The following ARMC2 variants were observed in gnomAD, a reference collection of about 807,000 sequenced individuals.
ARMC2 encodes the protein armadillo repeat-containing protein 2.
ARMC2 carries 67 observed loss-of-function variants against 90.3 expected under a neutral mutation model. That is an observed-to-expected ratio of 0.74 (90% CI 0.61 to 0.91). The LOEUF (loss-of-function observed/expected upper bound fraction) is 0.91, where lower values mean the gene tolerates loss of function less well. ARMC2 is among the 40% of genes least tolerant of loss of function. The pLI, the probability that ARMC2 is intolerant of heterozygous loss-of-function variation, is 0.00. For synonymous variants in ARMC2, 393 were observed against 393.0 expected (o/e 1.00, Z 0.00); for missense variants, 920 against 1,030.9 (o/e 0.89, Z 1.47).
the ARMC2 span, chr6:108,992,954 A>G: frequency 8.5e-7 from 1 of 1,176,322 alleles, no homozygotes; most frequent in East Asian, 2.4e-5. Context: ...GTTAAAATTG[A>G]TTTTACCCAA....
chr6:108,907,828 G>C, intron 8 of ARMC2: 1 of 1,611,128 alleles, frequency 6.2e-7, no homozygotes, highest in South Asian at 1.1e-5. Flanking sequence ...CCCCCAGTTT[G>C]ACCTCCAGAA....
At chr6:108,973,222 C>A in intron 17 of ARMC2, 135 bp from the exon 18 acceptor site, 2 of 620,342 alleles carry the variant, frequency 3.2e-6, no homozygotes, top group Non-Finnish European at 5.4e-6. Context: ...AAGAACTTCT[C>A]TGAAATCCTG....
chr6:108,976,556 C>T (rs1778986690), downstream of ARMC2, among the ~76,000 whole-genome samples: 1 of 152,176 alleles, frequency 6.6e-6, no homozygotes, highest in African/African-American at 2.4e-5. Flanking sequence ...TCAGTGGTAG[C>T]TTGATGGGGA....
chr6:108,965,612 G>T (rs948859844), intron 17 of ARMC2, among the ~76,000 whole-genome samples: 1 of 152,054 alleles, frequency 6.6e-6, no homozygotes, highest in Non-Finnish European at 1.5e-5. Context: ...TTGAAAGGTA[G>T]GAAATCACTG....
At chr6:108,967,671 C>T (rs570758717) in intron 17 of ARMC2, among the ~76,000 whole-genome samples, 4 of 152,312 alleles carry the variant, frequency 2.6e-5, no homozygotes, top group East Asian at 3.9e-4. Context: ...ACAGTGTGAA[C>T]GCTATGTAAA....
In ARMC2 at chr6:108,953,360, C is replaced by T. The variant is rs770918739; in HGVS notation, c.1915+9C>T. Reference sequence around the variant, plus strand: ...GCTCCTGACCACGCTGGGTGAGAACCGCAGCCCACTGGCTGCAGCAGACAC... The same window carrying T: ...GCTCCTGACCACGCTGGGTGAGAACTGCAGCCCACTGGCTGCAGCAGACAC... On this transcript the variant is annotated intron_variant, in intron 13 of 17. Coordinates refer to ENST00000392644, the MANE Select transcript of ARMC2 (RefSeq NM_032131.6). The T allele has an allele frequency of 8.2e-6, 13 of 1,588,934 alleles. 1 individual carries two copies. Among genetic ancestry groups the T allele is most frequent in the African/African-American group, 8.0e-5 (6 of 74,566 alleles).
chr6:109,009,558 G>GGGGC, the ARMC2 span: 5 of 1,126,566 alleles, frequency 4.4e-6, no homozygotes, highest in East Asian at 4.8e-5. Flanking sequence ...CGGACGGCGG[G>GGGGC]GGGGCGGGGC....
the ARMC2 span, among the ~76,000 whole-genome samples, chr6:108,996,140 T>C: frequency 1.7e-4 from 26 of 152,370 alleles, no homozygotes; most frequent in Admixed American, 3.3e-4. Context: ...AAGCCTAGCA[T>C]AGTACCTGGT....
intron 5 of ARMC2, among the ~76,000 whole-genome samples, chr6:108,886,014 T>C (rs1778063217): frequency 6.6e-6 from 1 of 152,118 alleles, no homozygotes; most frequent in African/African-American, 2.4e-5. Context: ...GCCTAAAACA[T>C]TTACTACCTG....
chr6:108,920,987 G>A (rs1774505422), intron 10 of ARMC2, among the ~76,000 whole-genome samples: 1 of 152,160 alleles, frequency 6.6e-6, no homozygotes, highest in Non-Finnish European at 1.5e-5. Context: ...TCTGAGGAGA[G>A]CCATTTGCTC....
At chr6:108,979,182 G>C (rs1762562844), downstream of ARMC2, among the ~76,000 whole-genome samples, 1 of 152,166 alleles carries the variant, frequency 6.6e-6, no homozygotes, top group South Asian at 2.1e-4. Flanking sequence ...TTGTAAGGGA[G>C]GCCTGGTGGT....
the ARMC2 span, among the ~76,000 whole-genome samples, chr6:109,012,536 G>A: frequency 6.6e-6 from 1 of 152,092 alleles, no homozygotes; most frequent in African/African-American, 2.4e-5. Flanking sequence ...TTTTAACAGA[G>A]AACTATGAAA....
Position 108,932,686 on chromosome 6 carries a change from G to A in ARMC2, c.1497-4214G>A, listed in dbSNP as rs1032817513. On this transcript the variant is annotated intron_variant, in intron 11 of 17. Transcript: ENST00000392644. ...TGGGACTATAGGTGCCCACCACCAC[G>A]CCCGGCTAATTTTTTGTATTTTTAG... Among the ~76,000 whole-genome samples the A allele has an allele frequency of 2.1e-4, 32 of 151,378 alleles. 1 individual carries two copies. Among genetic ancestry groups the A allele is most frequent in the African/African-American group, 7.3e-4 (30 of 40,998 alleles).
At chr6:108,866,172 A>G (rs1234446116) in intron 3 of ARMC2, among the ~76,000 whole-genome samples, 1 of 152,214 alleles carries the variant, frequency 6.6e-6, no homozygotes, top group African/African-American at 2.4e-5. Context: ...TTTTGAGTTA[A>G]GAAAACCACA....
the ARMC2 span, chr6:109,000,588 T>C: frequency 2.9e-5 from 47 of 1,612,602 alleles, no homozygotes; most frequent in African/African-American, 1.3e-4. Flanking sequence ...CTCTAAACCA[T>C]TGAGCCACTT....
chr6:108,938,137 A>G (rs751504734), intron 12 of ARMC2, among the ~76,000 whole-genome samples: 14 of 152,212 alleles, frequency 9.2e-5, no homozygotes, highest in Non-Finnish European at 1.8e-4. Flanking sequence ...TTCATTTTAA[A>G]TGTGGTAAAT....
chr6:108,896,855 G>C (rs916398510), intron 6 of ARMC2, among the ~76,000 whole-genome samples: 2 of 152,102 alleles, frequency 1.3e-5, no homozygotes, highest in African/African-American at 4.8e-5. Context: ...CTCAAAGTCT[G>C]GTTTCTAGTA....
intron 11 of ARMC2, among the ~76,000 whole-genome samples, chr6:108,929,330 C>G (rs551914921): frequency 2.8e-4 from 42 of 152,154 alleles, no homozygotes; most frequent in Admixed American, 2.2e-3. Context: ...CTATGCCATC[C>G]TTTCTCACTG....
At chr6:108,963,441 C>A (rs762137645) in intron 15 of ARMC2, among the ~76,000 whole-genome samples, 1 of 152,190 alleles carries the variant, frequency 6.6e-6, no homozygotes. Flanking sequence ...CACATATGTA[C>A]GTGATGTTGC....
Sources: allele counts gnomAD v4.1 joint callset (sites outside exome capture counted in the v4.1 genomes callset), GRCh38; gene constraint gnomAD v4.1.1; transcripts MANE v1.5; gene names NCBI Gene and HGNC (gene_info 2026-07-23, HGNC 2026-07-21).